Variants in DLG2 observed in about 807,000 individuals in gnomAD.
The protein encoded by DLG2 is discs large MAGUK scaffold protein 2, also known as disks large homolog 2.
A neutral mutation model predicts 132.5 loss-of-function variants in DLG2; 45 were observed. That is an observed-to-expected ratio of 0.34 (90% CI 0.27 to 0.44). DLG2 has a LOEUF of 0.44. Ranked by LOEUF, DLG2 falls within the 20% of genes least tolerant of loss-of-function variation. DLG2 has a pLI of 1.00. For missense variants in DLG2, 1,045 were observed against 1,196.9 expected, an observed-to-expected ratio of 0.87 and a Z score of 1.87; for synonymous variants, 424 against 419.6, an observed-to-expected ratio of 1.01 and a Z score of -0.13.
At chr11:84,728,510 C>G (rs56202007) in intron 6 of DLG2, among the ~76,000 whole-genome samples, 2 of 151,902 alleles carry the variant, frequency 1.3e-5, no homozygotes, top group Non-Finnish European at 2.9e-5. Flanking sequence ...TATTGAGGAC[C>G]TTCGCATCGA....
At position 85,502,983 on chromosome 11, in the gene DLG2, T is replaced by C. The variant is rs571542279; in HGVS notation, c.40+95674A>G. On this transcript the variant is annotated intron_variant, in intron 3 of 27. Transcript: ENST00000376104. ...CATAATCCTGCAATAGAATGATATA[T>C]ACCAATAAAAAATGAACAAACTAAC... Among the ~76,000 whole-genome samples, 9 of 152,142 alleles carry C rather than the reference T, an allele frequency of 5.9e-5. 1 individual carries two copies. The highest frequency in any genetic ancestry group is 1.9e-4 in the African/African-American group (8 of 41,542).
intron 3 of DLG2, among the ~76,000 whole-genome samples, chr11:85,303,475 T>C (rs926284684): frequency 1.3e-5 from 2 of 152,220 alleles, no homozygotes; most frequent in Non-Finnish European, 2.9e-5. Context: ...TAAATATTTA[T>C]TAAGTGCTAT....
At chr11:85,057,323 T>C (rs1043923107) in intron 6 of DLG2, among the ~76,000 whole-genome samples, 9 of 151,518 alleles carry the variant, frequency 5.9e-5, no homozygotes, top group African/African-American at 2.2e-4. Flanking sequence ...AGAAGAGAAA[T>C]GGGACAAGTT....
At chr11:83,869,221 A>G (rs879487463) in intron 16 of DLG2, among the ~76,000 whole-genome samples, 5 of 152,156 alleles carry the variant, frequency 3.3e-5, no homozygotes, top group Non-Finnish European at 5.9e-5. Context: ...ATATTTTGGA[A>G]CCAAACATCT....
At chr11:83,722,170 T>C (rs2088759478) in intron 18 of DLG2, among the ~76,000 whole-genome samples, 1 of 152,174 alleles carries the variant, frequency 6.6e-6, no homozygotes, top group African/African-American at 2.4e-5. Context: ...AAAAAGATAA[T>C]TTTTAACGTT....
intron 7 of DLG2, among the ~76,000 whole-genome samples, chr11:84,267,602 A>G (rs1394376362): frequency 6.6e-6 from 1 of 152,362 alleles, no homozygotes; most frequent in Non-Finnish European, 1.5e-5. Flanking sequence ...CAAGAAGCAC[A>G]GCAGGGCAGG....
At chr11:84,962,797 G>A (rs1462690116) in intron 6 of DLG2, among the ~76,000 whole-genome samples, 2 of 152,192 alleles carry the variant, frequency 1.3e-5, no homozygotes, top group East Asian at 1.9e-4. Flanking sequence ...GGGAAAGCTA[G>A]CTAAAGATAC....
intron 7 of DLG2, among the ~76,000 whole-genome samples, chr11:84,404,604 T>C (rs978847039): frequency 1.3e-5 from 2 of 152,304 alleles, no homozygotes; most frequent in South Asian, 4.1e-4. Flanking sequence ...GTAGAATATA[T>C]ACTAGATATC....
chr11:85,437,311 TAA>T (rs111269575), intron 3 of DLG2, among the ~76,000 whole-genome samples: 1 of 127,272 alleles, frequency 7.9e-6, no homozygotes. Flanking sequence ...GAACTTAAAG[TAA>T]AAAAAAAAAC....
chr11:85,212,577 T>C (rs1480542098), intron 4 of DLG2, among the ~76,000 whole-genome samples: 1 of 152,146 alleles, frequency 6.6e-6, no homozygotes, highest in Non-Finnish European at 1.5e-5. Context: ...AGTAATGTAA[T>C]CTAACCTGAA....
intron 12 of DLG2, among the ~76,000 whole-genome samples, chr11:83,970,957 A>G (rs1480369534): frequency 6.6e-6 from 1 of 152,090 alleles, no homozygotes; most frequent in East Asian, 1.9e-4. Flanking sequence ...AGTCTTCAAA[A>G]TGTTTTCCAC....
chr11:84,687,731 C>T (rs528834852), intron 6 of DLG2, among the ~76,000 whole-genome samples: 164 of 152,184 alleles, frequency 1.1e-3, no homozygotes, highest in African/African-American at 3.8e-3. Flanking sequence ...GAGTAAATTT[C>T]TTGAAGATCA....
chr11:85,553,849 T>C (rs1447940800), intron 3 of DLG2, among the ~76,000 whole-genome samples: 1 of 151,144 alleles, frequency 6.6e-6, no homozygotes, highest in Non-Finnish European at 1.5e-5. Flanking sequence ...TTATGTTACA[T>C]TCAGCATCTT....
At chr11:84,629,851 G>C (rs2099628598) in intron 6 of DLG2, among the ~76,000 whole-genome samples, 1 of 152,082 alleles carries the variant, frequency 6.6e-6, no homozygotes, top group Non-Finnish European at 1.5e-5. Flanking sequence ...AAAAGAGGGA[G>C]GAAAGAAGAA....
intron 6 of DLG2, among the ~76,000 whole-genome samples, chr11:84,647,352 T>G (rs1261263973): frequency 6.6e-6 from 1 of 152,136 alleles, no homozygotes; most frequent in Non-Finnish European, 1.5e-5. Context: ...AATTAATATT[T>G]CTTATAAAAC....
chr11:83,930,415 G>T lies in DLG2; in HGVS notation c.1409C>A (p.Ser470Tyr). The change falls in exon 15 of 28, where the codon TCC becomes TAC. Residue 470 changes from serine to tyrosine, a missense_variant. Transcript: ENST00000376104. ...GAAGCTTTTGTCACACTCAACAGGG[G>T]AATAGTGCCTGGGAGAAGCAGGCTT... ...CDKPASPRHY[S>Y]PVECDKSFLL... 4 of 1,614,038 alleles carry T rather than the reference G, an allele frequency of 2.5e-6. No homozygotes were observed. Among genetic ancestry groups the T allele is most frequent in the Non-Finnish European group, 3.4e-6 (4 of 1,179,918 alleles).
intron 7 of DLG2, among the ~76,000 whole-genome samples, chr11:84,381,872 C>T (rs1185246886): frequency 6.6e-6 from 1 of 152,158 alleles, no homozygotes; most frequent in African/African-American, 2.4e-5. Flanking sequence ...GTCTATCTGC[C>T]TCCTGTAAGG....
chr11:84,983,745 A>C (rs2056099132), intron 6 of DLG2, among the ~76,000 whole-genome samples: 1 of 152,198 alleles, frequency 6.6e-6, no homozygotes. Context: ...TTTTTTAAAA[A>C]ATAATACAAG....
chr11:85,249,776 G>C (rs1480962112), intron 4 of DLG2, among the ~76,000 whole-genome samples: 1 of 152,102 alleles, frequency 6.6e-6, no homozygotes, highest in East Asian at 1.9e-4. Flanking sequence ...AGTGGGCCAG[G>C]AATCAGAGCA....
Sources: gnomAD v4.1 joint callset for allele counts (sites outside exome capture counted in the v4.1 genomes callset) on GRCh38, gnomAD v4.1.1 for gene constraint, MANE v1.5 for transcripts, NCBI Gene and HGNC (gene_info 2026-07-23, HGNC 2026-07-21) for gene names.